Variants in KLHL24 observed in about 807,000 individuals in gnomAD.
The protein encoded by KLHL24 is kelch like family member 24.
A neutral mutation model predicts 53.4 loss-of-function variants in KLHL24; 29 were observed. That is an observed-to-expected ratio of 0.54 (90% CI 0.40 to 0.74). KLHL24 has a LOEUF of 0.74. KLHL24 is among the 30% of genes least tolerant of loss of function. The pLI is 0.00. For synonymous variants in KLHL24, 222 were observed against 253.7 expected (o/e 0.88, Z 1.19); for missense variants, 504 against 744.0 (o/e 0.68, Z 3.75).
At chr3:183,665,070 T>G (rs1720336301) in intron 5 of KLHL24, 31 bp downstream of exon 5, 5 of 1,139,020 alleles carry the variant, frequency 4.4e-6, no homozygotes, top group Non-Finnish European at 6.7e-6. Flanking sequence ...TTACTATTGC[T>G]GGTACCTTTC....
intron 3 of KLHL24, among the ~76,000 whole-genome samples, chr3:183,656,171 G>A (rs1718858955): frequency 6.7e-6 from 1 of 149,910 alleles, no homozygotes; most frequent in African/African-American, 2.5e-5. Context: ...CAAGTAGCTG[G>A]GACTACAGGT....
intron 1 of KLHL24, among the ~76,000 whole-genome samples, chr3:183,639,237 C>G (rs1715897849): frequency 6.6e-6 from 1 of 152,046 alleles, no homozygotes; most frequent in Non-Finnish European, 1.5e-5. Flanking sequence ...ACTGAGGTTT[C>G]CAAAGGCTAC....
chr3:183,672,714 G>A lies in KLHL24; in HGVS notation c.1602+230G>A, dbSNP rs1482278478. The A allele has an allele frequency of 1.2e-5, 3 of 243,578 alleles. No individual in the cohort carries two copies. In the East Asian group the frequency reaches 2.4e-4, roughly 20 times the overall value. The allele number at this position is 243,578 out of a possible 1,614,324, so 15.1% of individuals were successfully genotyped here. On this transcript the variant is annotated intron_variant, in intron 7 of 7. Coordinates refer to ENST00000242810, the MANE Select transcript of KLHL24 (RefSeq NM_017644.3). ...ACCCCGTCTCTACTAAAAAATTATG[G>A]CCAGGCGTGGTGGTTCATGCCTGTA...
At chr3:183,678,204 G>T (rs555275065) in intron 7 of KLHL24, among the ~76,000 whole-genome samples, 1 of 152,346 alleles carries the variant, frequency 6.6e-6, no homozygotes, top group African/African-American at 2.4e-5. Flanking sequence ...CATTGTGTGG[G>T]AAGTTAACTG....
At position 183,650,049 on chromosome 3, in the gene KLHL24, G is replaced by A. The variant is rs1717912073; in HGVS notation, c.-61-247G>A. ...AAACGGAAGGTTATTAGTAACTCACGAAGTACATAGTATCCTTTCAGCTAG... is the reference window on the plus strand; with the variant it reads ...AAACGGAAGGTTATTAGTAACTCACAAAGTACATAGTATCCTTTCAGCTAG... On this transcript the variant is annotated intron_variant, in intron 2 of 7. Coordinates refer to ENST00000242810, the MANE Select transcript of KLHL24 (RefSeq NM_017644.3). This position sits in a 1 kb window ranked among gnomAD's most constrained non-coding sequence, Gnocchi z 4.5. Among the ~76,000 whole-genome samples, 1 of 152,120 alleles carries A rather than the reference G, an allele frequency of 6.6e-6. No homozygotes were observed. The highest frequency in any genetic ancestry group is 1.5e-5 in the Non-Finnish European group (1 of 68,036).
chr3:183,651,341 G>A (rs1015353218), intron 3 of KLHL24, 65 bp downstream of exon 3: 2 of 1,144,980 alleles, frequency 1.7e-6, no homozygotes, highest in African/African-American at 3.1e-5. Flanking sequence ...CCTCCTGAAT[G>A]CAATCTCAGT....
rs755886786 is a variant in KLHL24, at chr3:183,671,028, A to G, written c.1225-6A>G. 20 of 1,598,474 alleles carry G rather than the reference A, an allele frequency of 1.3e-5. No individual in the cohort carries two copies. The African/African-American group carries it at 1.5e-4, about 12-fold the overall frequency. On this transcript the variant is annotated splice_polypyrimidine_tract_variant and splice_region_variant and intron_variant, in intron 5 of 7. Transcript: ENST00000242810. ...ATTAAGATTTTTCCATGTATTTTAC[A>G]TATAGGTATATGTTGTCGGTGGCTA...
intron 1 of KLHL24, chr3:183,636,504 C>T (rs1283532652): frequency 6.6e-6 from 1 of 152,268 alleles, no homozygotes; most frequent in African/African-American, 2.4e-5. Flanking sequence ...TCCGCCGGCG[C>T]AGTCCCCGCC....
At chr3:183,657,157 C>A (rs1175715539) in intron 3 of KLHL24, among the ~76,000 whole-genome samples, 1 of 152,092 alleles carries the variant, frequency 6.6e-6, no homozygotes, top group Non-Finnish European at 1.5e-5. Context: ...GTCATTTCCC[C>A]TGATAGATGC....
intron 1 of KLHL24, among the ~76,000 whole-genome samples, chr3:183,640,593 CTTTTTTCTTTTTTT>C (rs1716237738): frequency 1.4e-5 from 2 of 144,750 alleles, no homozygotes; most frequent in Admixed American, 6.9e-5. Context: ...TTTCTTTTTT[CTTTTTTCTTTTTTT>C]TTTTTTTTTT....
chr3:183,643,630 C>G (rs937446110), intron 2 of KLHL24, 88 bp downstream of exon 2: 1 of 152,090 alleles, frequency 6.6e-6, no homozygotes, highest in Non-Finnish European at 1.5e-5. Flanking sequence ...ATCACTTAAG[C>G]CAATCAGATA....
Position 183,650,435 on chromosome 3 carries a change from T to C in KLHL24, c.79T>C (p.Phe27Leu), listed in dbSNP as rs879811792. The C allele has an allele frequency of 2.5e-6, 4 of 1,614,168 alleles. No individual in the cohort carries two copies. The highest frequency in any genetic ancestry group is 2.5e-6 in the Non-Finnish European group (3 of 1,180,036). ...TTCCCCAGCAACTAAGCGAAAAGTTTTTGAAATGGACCCCAAATCTCTGAC... is the reference window on the plus strand; with the variant it reads ...TTCCCCAGCAACTAAGCGAAAAGTTCTTGAAATGGACCCCAAATCTCTGAC... The part of the protein sequence containing the change: ...RDSPATKRKV[F>L]EMDPKSLTGH... The change falls in exon 3 of 8, where the codon TTT becomes CTT. Residue 27 changes from phenylalanine (F) to leucine (L), a missense_variant. Coordinates refer to ENST00000242810, the MANE Select transcript of KLHL24 (RefSeq NM_017644.3). This position sits in a 1 kb window ranked among gnomAD's most constrained non-coding sequence, Gnocchi z 4.5.
At chr3:183,638,449 ATT>A (rs1369387478) in intron 1 of KLHL24, among the ~76,000 whole-genome samples, 2 of 152,062 alleles carry the variant, frequency 1.3e-5, no homozygotes, top group Non-Finnish European at 2.9e-5. Flanking sequence ...ATTTTTGTCT[ATT>A]TGACAAAAAT....
chr3:183,662,213 A>G (rs1401838703), intron 3 of KLHL24, among the ~76,000 whole-genome samples: 2 of 152,166 alleles, frequency 1.3e-5, no homozygotes, highest in Non-Finnish European at 2.9e-5. Flanking sequence ...CTGATTTTAT[A>G]ACGGAAAAAG....
At position 183,682,704 on chromosome 3, in the gene KLHL24, T is replaced by C. The variant is rs187754877; in HGVS notation, c.*3418T>C. ...ATATGAATTGTTTATGTATCTCTAC[T>C]GTCAAATAGCCTTTTTGAAACTCAG... On this transcript the variant is annotated 3_prime_UTR_variant, in exon 8 of 8. Transcript: ENST00000242810. 8 of 152,746 alleles carry C rather than the reference T, an allele frequency of 5.2e-5. No homozygotes were observed. In the East Asian group the frequency reaches 9.6e-4, roughly 18 times the overall value. 9.5% of individuals were successfully genotyped at this position (152,746 alleles called of 1,614,324 possible). A position where few individuals can be genotyped will look rare whatever the true frequency, so the allele number is the denominator to read the frequency against.
intron 5 of KLHL24, 57 bp from the exon 6 acceptor site, chr3:183,670,977 C>A: frequency 1.6e-6 from 2 of 1,237,740 alleles, no homozygotes; most frequent in South Asian, 1.3e-5. Flanking sequence ...CTTTAGCCAA[C>A]TACTTCAAAA....
At chr3:183,648,256 A>T (rs1717609989) in intron 2 of KLHL24, among the ~76,000 whole-genome samples, 1 of 152,198 alleles carries the variant, frequency 6.6e-6, no homozygotes, top group Non-Finnish European at 1.5e-5. Context: ...ATAAATAGGA[A>T]CATGAAAAAG....
At position 183,650,930 on chromosome 3, in the gene KLHL24, T is replaced by C. The variant is rs1287261944; in HGVS notation, c.574T>C (p.Leu192=). 1.2e-6 allele frequency: 2 copies of C among 1,614,120 alleles called. No individual in the cohort carries two copies. Among genetic ancestry groups the C allele is most frequent in the African/African-American group, 2.7e-5 (2 of 74,940 alleles). ...CTTCACAAAATGCAAAAATTTTGCG[T>C]TACAGACTTTTGAGGATGTATCCCA... ...TLFTKCKNFA[L]QTFEDVSQHE... The change falls in exon 3 of 8, where the codon TTA becomes CTA. Residue 192 remains leucine (L), a synonymous_variant. Transcript: ENST00000242810. The surrounding 1 kb of genome is among the most constrained non-coding windows in gnomAD (Gnocchi z 4.5).
At chr3:183,669,485 T>C (rs143058334) in intron 5 of KLHL24, among the ~76,000 whole-genome samples, 1,662 of 152,322 alleles carry the variant, frequency 0.011, 110 homozygotes, top group Admixed American at 0.1. Flanking sequence ...ACAGGTTCCA[T>C]ACTCCATATA....
Sources: allele counts gnomAD v4.1 joint callset (sites outside exome capture counted in the v4.1 genomes callset), GRCh38; gene constraint gnomAD v4.1.1; non-coding constraint Gnocchi (gnomAD v3.1); transcripts MANE v1.5; gene names NCBI Gene and HGNC (gene_info 2026-07-23, HGNC 2026-07-21).